Variants in SHISA9 observed in about 807,000 individuals in gnomAD.
SHISA9 encodes shisa family member 9, also known as protein shisa-9.
Under a neutral mutation model 38.0 loss-of-function variants are expected in SHISA9, and 13 were observed. The observed-to-expected ratio is 0.34, with a 90% CI of 0.22 to 0.54. The LOEUF (loss-of-function observed/expected upper bound fraction) is 0.54. Ranked by LOEUF, SHISA9 falls within the 20% of genes least tolerant of loss-of-function variation. SHISA9 has a pLI of 0.91. For synonymous variants in SHISA9, 275 were observed against 242.0 expected, an observed-to-expected ratio of 1.14 and a Z score of -1.27; for missense variants, 538 against 575.8, an observed-to-expected ratio of 0.93 and a Z score of 0.67.
chr16:13,188,653 G>T (rs2050852340), intron 2 of SHISA9, among the ~76,000 whole-genome samples: 1 of 150,866 alleles, frequency 6.6e-6, no homozygotes, highest in Non-Finnish European at 1.5e-5. Flanking sequence ...GGAAGTCGAG[G>T]GTGCTGTGAG....
intron 2 of SHISA9, among the ~76,000 whole-genome samples, chr16:13,002,858 G>A (rs2072543545): frequency 1.3e-5 from 2 of 152,070 alleles, no homozygotes; most frequent in South Asian, 4.1e-4. Flanking sequence ...GGCGCTTGCT[G>A]GAGTAGGAAT....
chr16:13,251,036 T>A, the SHISA9 span, among the ~76,000 whole-genome samples: 2 of 152,154 alleles, frequency 1.3e-5, no homozygotes, highest in Non-Finnish European at 2.9e-5. Flanking sequence ...AGTGTAAGGT[T>A]TTGAACACGT....
chr16:12,909,263 T>A, intron 1 of SHISA9: 1 of 984,636 alleles, frequency 1.0e-6, no homozygotes, highest in East Asian at 1.1e-4. Flanking sequence ...ATTGTAAGTG[T>A]GTAGTTTGAT....
At chr16:12,918,772 G>A (rs1224727357) in intron 2 of SHISA9, among the ~76,000 whole-genome samples, 1 of 152,180 alleles carries the variant, frequency 6.6e-6, no homozygotes, top group African/African-American at 2.4e-5. Flanking sequence ...GGAAGCTACA[G>A]GGGAGAATTC....
At chr16:13,449,354 A>G in the SHISA9 span, among the ~76,000 whole-genome samples, 5 of 152,334 alleles carry the variant, frequency 3.3e-5, no homozygotes, top group Non-Finnish European at 7.3e-5. Flanking sequence ...TAAATTTTCT[A>G]TGACACTCAC....
At chr16:13,087,378 C>G (rs2073724938) in intron 2 of SHISA9, among the ~76,000 whole-genome samples, 1 of 152,074 alleles carries the variant, frequency 6.6e-6, no homozygotes, top group Non-Finnish European at 1.5e-5. Context: ...AATTCTAGTT[C>G]TAGATCCTTG....
intron 4 of SHISA9, among the ~76,000 whole-genome samples, chr16:13,229,300 G>A (rs204033): frequency 0.28 from 43,051 of 152,108 alleles, 6,551 homozygotes; most frequent in South Asian, 0.4. Flanking sequence ...ACAAACAAGT[G>A]TAAAATGACA....
At chr16:12,935,941 G>A (rs1222366354) in intron 2 of SHISA9, among the ~76,000 whole-genome samples, 2 of 151,804 alleles carry the variant, frequency 1.3e-5, no homozygotes, top group South Asian at 2.1e-4. Flanking sequence ...AGGAGGGAAC[G>A]TGTTCTCAGA....
At chr16:13,074,936 T>A (rs989801106) in intron 2 of SHISA9, among the ~76,000 whole-genome samples, 8 of 152,142 alleles carry the variant, frequency 5.3e-5, no homozygotes, top group African/African-American at 1.9e-4. Flanking sequence ...AGTGCTGGGA[T>A]TACCGGTGTG....
the SHISA9 span, among the ~76,000 whole-genome samples, chr16:13,274,551 C>T: frequency 6.6e-6 from 1 of 152,118 alleles, no homozygotes; most frequent in Non-Finnish European, 1.5e-5. Context: ...CAGCCTCTAG[C>T]AGCTGTGCAG....
At chr16:13,270,961 T>G in the SHISA9 span, among the ~76,000 whole-genome samples, 4 of 152,154 alleles carry the variant, frequency 2.6e-5, no homozygotes, top group South Asian at 4.2e-4. Context: ...GGGAGTTAGC[T>G]CTATAGCCTG....
the SHISA9 span, among the ~76,000 whole-genome samples, chr16:13,502,016 T>C: frequency 1.5e-4 from 22 of 143,934 alleles, no homozygotes; most frequent in African/African-American, 5.0e-4. Flanking sequence ...AAAAAAAAAT[T>C]GCTGAAAGAA....
chr16:13,542,747 A>G, the SHISA9 span, among the ~76,000 whole-genome samples: 16 of 152,198 alleles, frequency 1.1e-4, no homozygotes, highest in Admixed American at 9.8e-4. Flanking sequence ...AAGCAACTGA[A>G]CTCAAAAGGG....
intron 1 of SHISA9, among the ~76,000 whole-genome samples, chr16:12,915,972 C>T (rs2071248408): frequency 6.9e-6 from 1 of 145,690 alleles, no homozygotes; most frequent in African/African-American, 2.5e-5. Flanking sequence ...GTCTGTTCTA[C>T]GTATGAACAC....
intron 2 of SHISA9, among the ~76,000 whole-genome samples, chr16:13,171,901 A>G (rs2050690037): frequency 6.6e-6 from 1 of 152,150 alleles, no homozygotes; most frequent in African/African-American, 2.4e-5. Context: ...TTCTCTCCTC[A>G]TTTGTTAAAT....
At chr16:13,155,383 T>G (rs1259326233) in intron 2 of SHISA9, among the ~76,000 whole-genome samples, 3 of 152,142 alleles carry the variant, frequency 2.0e-5, no homozygotes, top group Non-Finnish European at 4.4e-5. Context: ...GTTGGTAGCT[T>G]AGTTCTTTTC....
chr16:13,225,494 G>GATT (rs1325147655), intron 4 of SHISA9, among the ~76,000 whole-genome samples: 1 of 152,196 alleles, frequency 6.6e-6, no homozygotes, highest in East Asian at 1.9e-4. Flanking sequence ...GTAATGAGAA[G>GATT]ATTAATTGCT....
At chr16:13,179,272 A>G (rs974511008) in intron 2 of SHISA9, among the ~76,000 whole-genome samples, 1 of 152,204 alleles carries the variant, frequency 6.6e-6, no homozygotes, top group Non-Finnish European at 1.5e-5. Context: ...AGATCACACC[A>G]CTGCACCCCA....
At chr16:13,066,004 C>A (rs1489632739) in intron 2 of SHISA9, among the ~76,000 whole-genome samples, 1 of 152,204 alleles carries the variant, frequency 6.6e-6, no homozygotes, top group Non-Finnish European at 1.5e-5. Context: ...AAACCCAAGA[C>A]CTTCAATTTA....
Sources: allele counts gnomAD v4.1 joint callset (sites outside exome capture counted in the v4.1 genomes callset), GRCh38; gene constraint gnomAD v4.1.1; transcripts MANE v1.5; gene names NCBI Gene and HGNC (gene_info 2026-07-23, HGNC 2026-07-21).